Variants in GALNT15 observed in about 807,000 individuals in gnomAD.
GALNT15 encodes polypeptide N-acetylgalactosaminyltransferase 15.
A neutral mutation model predicts 66.8 loss-of-function variants in GALNT15; 67 were observed. The observed-to-expected ratio is 1.00, with a 90% CI of 0.82 to 1.23. The LOEUF (loss-of-function observed/expected upper bound fraction) is 1.23. GALNT15 is among the 50% of genes most tolerant of loss of function. The pLI is 0.00. For synonymous variants in GALNT15, 313 were observed against 311.5 expected (o/e 1.00, Z -0.05); for missense variants, 827 against 804.3 (o/e 1.03, Z -0.34).
At chr3:16,242,431 G>A in the GALNT15 span, among the ~76,000 whole-genome samples, 1 of 152,108 alleles carries the variant, frequency 6.6e-6, no homozygotes, top group African/African-American at 2.4e-5. The surrounding 1 kb of genome is among the most constrained non-coding windows in gnomAD (Gnocchi z 5.6). Flanking sequence ...AGAGCTGGAG[G>A]TGGAAACAAT....
In GALNT15 at chr3:16,220,509, A is replaced by G. The variant is rs529244912; in HGVS notation, c.1629+495A>G. On this transcript the variant is annotated intron_variant, in intron 8 of 9. Transcript: ENST00000339732. ...AATTCTTCTCTTCAAAATTTTCATC[A>G]TGGAGTAACTGCCCAAAGTGGTAGA... Among the ~76,000 whole-genome samples, 2 of 152,306 alleles carry G rather than the reference A, an allele frequency of 1.3e-5. 1 individual carries two copies. The highest frequency in any genetic ancestry group is 4.2e-4 in the South Asian group (2 of 4,818).
rs1269540978 is a variant in GALNT15 at position 16,203,799 on chromosome 3, C to T, written c.911+2976C>T. Among the ~76,000 whole-genome samples, 1 of 152,140 alleles carries T rather than the reference C, an allele frequency of 6.6e-6. No homozygotes were observed. The highest frequency in any genetic ancestry group is 1.5e-5 in the Non-Finnish European group (1 of 68,026). On this transcript the variant is annotated intron_variant, in intron 3 of 9. Transcript: ENST00000339732. The surrounding 1 kb of genome is among the most constrained non-coding windows in gnomAD (Gnocchi z 6.2). ...ACCTTTCTGGTATCTGAGTCCCACT[C>T]TCTCCACTCCACCTGGCAACGCTCT...
chr3:16,238,650 A>G, the GALNT15 span, among the ~76,000 whole-genome samples: 1 of 152,192 alleles, frequency 6.6e-6, no homozygotes, highest in African/African-American at 2.4e-5. This position sits in a 1 kb window ranked among gnomAD's most constrained non-coding sequence, Gnocchi z 4.8. Context: ...GCAACTTCCA[A>G]AGTGATGGAC....
intron 6 of GALNT15, among the ~76,000 whole-genome samples, chr3:16,215,393 C>T (rs753011994): frequency 6.6e-6 from 1 of 152,106 alleles, no homozygotes; most frequent in Non-Finnish European, 1.5e-5. Flanking sequence ...AAACTGAGGT[C>T]CCATGAGAGG....
chr3:16,193,541 A>G lies in GALNT15; in HGVS notation c.540-2219A>G, dbSNP rs371972626. Among the ~76,000 whole-genome samples, 24 of 152,260 alleles carry G rather than the reference A, an allele frequency of 1.6e-4. No homozygotes were observed. The East Asian group carries it at 3.3e-3, about 21-fold the overall frequency. On this transcript the variant is annotated intron_variant, in intron 1 of 9. Transcript: ENST00000339732. The surrounding 1 kb of genome is among the most constrained non-coding windows in gnomAD (Gnocchi z 4.7). ...AAATTATTTAGGAATTCTGCTTACC[A>G]TTACCTAGACTCAATTCTCCCTCTC...
intron 8 of GALNT15, among the ~76,000 whole-genome samples, chr3:16,221,137 T>A (rs1162336611): frequency 6.6e-6 from 1 of 150,914 alleles, no homozygotes; most frequent in East Asian, 1.9e-4. Flanking sequence ...CAATTAAGAA[T>A]AATGCAGCCT....
rs1170171165 is a variant in GALNT15, at chr3:16,219,344, A to G, written c.1393-59A>G. The stretch of plus-strand genomic sequence containing the variant: ...CTTCCCAGCCACTCCATCCCCAACC[A>G]TGTGAATTCTGGGCAAGACAAGCTT... On this transcript the variant is annotated intron_variant, in intron 6 of 9. Coordinates refer to ENST00000339732, the MANE Select transcript of GALNT15 (RefSeq NM_054110.5). This position sits in a 1 kb window ranked among gnomAD's most constrained non-coding sequence, Gnocchi z 4.3. 1.0e-5 allele frequency: 16 copies of G among 1,597,970 alleles called. No homozygotes were observed. The East Asian group carries it at 3.6e-4, about 36-fold the overall frequency.
In GALNT15 at chr3:16,227,082, T is replaced by G. The variant is rs1188269912; in HGVS notation, c.1774-272T>G. On this transcript the variant is annotated intron_variant, in intron 9 of 9. Coordinates refer to ENST00000339732, the MANE Select transcript of GALNT15 (RefSeq NM_054110.5). The surrounding 1 kb of genome is among the most constrained non-coding windows in gnomAD (Gnocchi z 4.5). ...ATAAAGACTGAACATGCTCTGGGAATTATACTAACCATAACTTTCTAAGAA... is the reference window on the plus strand; with the variant it reads ...ATAAAGACTGAACATGCTCTGGGAAGTATACTAACCATAACTTTCTAAGAA... Among the ~76,000 whole-genome samples, 1 of 152,206 alleles carries G rather than the reference T, an allele frequency of 6.6e-6. No individual in the cohort carries two copies. Among genetic ancestry groups the G allele is most frequent in the Non-Finnish European group, 1.5e-5 (1 of 68,040 alleles).
chr3:16,246,083 G>C, the GALNT15 span, among the ~76,000 whole-genome samples: 4 of 152,124 alleles, frequency 2.6e-5, no homozygotes, highest in African/African-American at 9.7e-5. Flanking sequence ...GATTATGGCT[G>C]GGGGCATTAT....
chr3:16,213,452 C>CAAAAAAA (rs3055462), intron 6 of GALNT15, among the ~76,000 whole-genome samples: 11 of 63,768 alleles, frequency 1.7e-4, no homozygotes, highest in East Asian at 4.8e-4. Context: ...AACTCCATCT[C>CAAAAAAA]AAAAAAAAAA....
At chr3:16,213,452 CA>C (rs3055462) in intron 6 of GALNT15, among the ~76,000 whole-genome samples, 34 of 63,826 alleles carry the variant, frequency 5.3e-4, no homozygotes, top group Middle Eastern at 0.011. Context: ...AACTCCATCT[CA>C]AAAAAAAAAA....
chr3:16,228,140 C>G lies in GALNT15; in HGVS notation c.*640C>G, dbSNP rs561299007. On this transcript the variant is annotated 3_prime_UTR_variant, in exon 10 of 10. Coordinates refer to ENST00000339732, the MANE Select transcript of GALNT15 (RefSeq NM_054110.5). Reference sequence around the variant, plus strand: ...AAGCTTCAAGAGATCTAGGAAAAGACATTTTCATGTTAATGAGAATTTCCA... The same window carrying G: ...AAGCTTCAAGAGATCTAGGAAAAGAGATTTTCATGTTAATGAGAATTTCCA... 2.9e-3 allele frequency: 2,886 copies of G among 985,954 alleles called. 5 individuals are homozygous for G. The highest frequency in any genetic ancestry group is 3.3e-3 in the Non-Finnish European group (2,755 of 830,020). The allele number at this position is 985,954 out of a possible 1,614,324, so 61.1% of individuals were successfully genotyped here. A position where few individuals can be genotyped will look rare whatever the true frequency, so the allele number is the denominator to read the frequency against.
chr3:16,233,388 C>T (rs1268641153), downstream of GALNT15, among the ~76,000 whole-genome samples: 2 of 152,106 alleles, frequency 1.3e-5, no homozygotes, highest in South Asian at 2.1e-4. Flanking sequence ...AGCCACCACG[C>T]CCAGCCAGGA....
Position 16,175,061 on chromosome 3 carries a change from C to G in GALNT15, c.-91C>G, listed in dbSNP as rs1435076335. Reference sequence around the variant, plus strand: ...CAGAAAAACTTCCAGGTGGAACAAGCAACCCAGGTTCTGCTGCAAGCTTGA... The same window carrying G: ...CAGAAAAACTTCCAGGTGGAACAAGGAACCCAGGTTCTGCTGCAAGCTTGA... On this transcript the variant is annotated 5_prime_UTR_variant, in exon 1 of 10. Transcript: ENST00000339732. This position sits in a 1 kb window ranked among gnomAD's most constrained non-coding sequence, Gnocchi z 5.6. The G allele has an allele frequency of 1.0e-5, 13 of 1,300,724 alleles. No individual in the cohort carries two copies. Among genetic ancestry groups the G allele is most frequent in the Non-Finnish European group, 1.4e-5 (13 of 938,988 alleles). 80.6% of individuals were successfully genotyped at this position (1,300,724 alleles called of 1,614,324 possible).
chr3:16,227,789 G>A lies in GALNT15; in HGVS notation c.*289G>A, dbSNP rs1201850456. On this transcript the variant is annotated 3_prime_UTR_variant, in exon 10 of 10. Coordinates refer to ENST00000339732, the MANE Select transcript of GALNT15 (RefSeq NM_054110.5). The surrounding 1 kb of genome is among the most constrained non-coding windows in gnomAD (Gnocchi z 4.5). ...AAGATTCTTTGTTTTTCTCCACTGA[G>A]CACTTAACAATTGCTTTCTCTCTGG... 2 of 1,162,288 alleles carry A rather than the reference G, an allele frequency of 1.7e-6. No homozygotes were observed. Among genetic ancestry groups the A allele is most frequent in the African/African-American group, 1.6e-5 (1 of 61,260 alleles). The allele number at this position is 1,162,288 out of a possible 1,614,324, so 72.0% of individuals were successfully genotyped here. A position where few individuals can be genotyped will look rare whatever the true frequency, so the allele number is the denominator to read the frequency against.
rs1490928745 is a variant in GALNT15 at position 16,219,117 on chromosome 3, G to T, written c.1393-286G>T. Among the ~76,000 whole-genome samples, 2 of 152,132 alleles carry T rather than the reference G, an allele frequency of 1.3e-5. No homozygotes were observed. The highest frequency in any genetic ancestry group is 2.9e-5 in the Non-Finnish European group (2 of 68,028). Reference sequence around the variant, plus strand: ...GAGCCACCACTCCCGGCCTATTGTAGTCTTTATAGACTGGAGATTTGAGGG... The same window carrying T: ...GAGCCACCACTCCCGGCCTATTGTATTCTTTATAGACTGGAGATTTGAGGG... On this transcript the variant is annotated intron_variant, in intron 6 of 9. Coordinates refer to ENST00000339732, the MANE Select transcript of GALNT15 (RefSeq NM_054110.5). The surrounding 1 kb of genome is among the most constrained non-coding windows in gnomAD (Gnocchi z 4.3).
At chr3:16,205,107 C>T (rs1318941511) in intron 3 of GALNT15, among the ~76,000 whole-genome samples, 1 of 152,214 alleles carries the variant, frequency 6.6e-6, no homozygotes, top group Non-Finnish European at 1.5e-5. Context: ...GACACGTCCT[C>T]GTATCTGCCC....
At chr3:16,237,825 G>A in the GALNT15 span, among the ~76,000 whole-genome samples, 1 of 152,126 alleles carries the variant, frequency 6.6e-6, no homozygotes, top group Non-Finnish European at 1.5e-5. This position sits in a 1 kb window ranked among gnomAD's most constrained non-coding sequence, Gnocchi z 4.2. Flanking sequence ...GTCTCCTTGA[G>A]GTTCCCGCTC....
At chr3:16,212,520 G>T in intron 5 of GALNT15, 49 bp from the exon 6 acceptor site, 1 of 1,556,000 alleles carries the variant, frequency 6.4e-7, no homozygotes, top group Non-Finnish European at 8.7e-7. Flanking sequence ...ATTTCCCGCC[G>T]TTCTTAAAGG....
Sources: allele counts gnomAD v4.1 joint callset (sites outside exome capture counted in the v4.1 genomes callset), GRCh38; gene constraint gnomAD v4.1.1; non-coding constraint Gnocchi (gnomAD v3.1); transcripts MANE v1.5; gene names NCBI Gene and HGNC (gene_info 2026-07-23, HGNC 2026-07-21).